LRP12: variants seen among roughly 807,000 people sequenced by gnomAD.
LRP12 encodes the protein low-density lipoprotein receptor-related protein 12.
LRP12 carries 14 observed loss-of-function variants against 66.0 expected under a neutral mutation model. The observed-to-expected ratio is 0.21, with a 90% CI of 0.14 to 0.33. The LOEUF (loss-of-function observed/expected upper bound fraction) is 0.33, where lower values mean the gene tolerates loss of function less well. Among genes scored for constraint, LRP12 ranks in the 10% least tolerant of loss-of-function variants. The pLI is 1.00. For missense variants in LRP12, 889 were observed against 1,053.4 expected (o/e 0.84, Z 2.16); for synonymous variants, 357 against 359.1 (o/e 0.99, Z 0.07).
intron 6 of LRP12, among the ~76,000 whole-genome samples, chr8:104,493,143 T>C (rs1461855629): frequency 1.3e-5 from 2 of 152,030 alleles, no homozygotes; most frequent in African/African-American, 2.4e-5. Context: ...TCTAACATTA[T>C]ATTTTATGAG....
chr8:104,532,774 T>C (rs1200015567), intron 1 of LRP12, among the ~76,000 whole-genome samples: 1 of 152,138 alleles, frequency 6.6e-6, no homozygotes, highest in Non-Finnish European at 1.5e-5. Flanking sequence ...CTATAATTGC[T>C]TGAATATTGT....
At chr8:104,555,759 C>T (rs1811797638) in intron 1 of LRP12, among the ~76,000 whole-genome samples, 1 of 152,034 alleles carries the variant, frequency 6.6e-6, no homozygotes, top group African/African-American at 2.4e-5. Flanking sequence ...GTCATCAAGA[C>T]AGAAAGTCAA....
chr8:104,491,590 T>TAAAA (rs34073040), intron 6 of LRP12, 51 bp from the exon 7 acceptor site: 348 of 819,172 alleles, frequency 4.2e-4, no homozygotes, highest in Non-Finnish European at 5.0e-4. Flanking sequence ...GGTACTAAGA[T>TAAAA]AAAAAAAAAA....
At chr8:104,503,503 T>A (rs966817329) in intron 3 of LRP12, among the ~76,000 whole-genome samples, 1 of 152,154 alleles carries the variant, frequency 6.6e-6, no homozygotes, top group Non-Finnish European at 1.5e-5. Context: ...TAGTACTTTG[T>A]GTAATAAAAG....
chr8:104,511,152 T>TCCTG (rs1327328425), intron 2 of LRP12, among the ~76,000 whole-genome samples: 1 of 143,898 alleles, frequency 6.9e-6, no homozygotes, highest in East Asian at 2.2e-4. Flanking sequence ...CAAGCAATTC[T>TCCTG]CCTGCCTCAG....
At chr8:104,518,872 A>G (rs1254008858) in intron 2 of LRP12, among the ~76,000 whole-genome samples, 1 of 152,056 alleles carries the variant, frequency 6.6e-6, no homozygotes, top group Non-Finnish European at 1.5e-5. Context: ...ATTTCAAAGG[A>G]AAGAGCAATG....
intron 1 of LRP12, among the ~76,000 whole-genome samples, chr8:104,540,954 G>T (rs1811466965): frequency 6.6e-6 from 1 of 151,992 alleles, no homozygotes. Flanking sequence ...GGATGGTCTC[G>T]ATCTCCTGAC....
chr8:104,515,556 T>C (rs1420380718), intron 2 of LRP12, among the ~76,000 whole-genome samples: 4 of 152,168 alleles, frequency 2.6e-5, no homozygotes, highest in Non-Finnish European at 4.4e-5. Flanking sequence ...AAAATGCAGA[T>C]GGAAATATGA....
chr8:104,551,651 G>T (rs1811727140), intron 1 of LRP12, among the ~76,000 whole-genome samples: 1 of 152,018 alleles, frequency 6.6e-6, no homozygotes, highest in East Asian at 1.9e-4. Context: ...TACGATTATG[G>T]CCTCCAGCTG....
intron 2 of LRP12, among the ~76,000 whole-genome samples, chr8:104,517,333 G>A (rs186976716): frequency 4.9e-4 from 75 of 151,804 alleles, no homozygotes; most frequent in Admixed American, 1.8e-3. Flanking sequence ...GAACAGAGAA[G>A]GTTATGCTTG....
intron 1 of LRP12, among the ~76,000 whole-genome samples, chr8:104,555,259 AAAAC>A (rs1258980543): frequency 1.3e-5 from 2 of 152,320 alleles, no homozygotes; most frequent in South Asian, 4.1e-4. Flanking sequence ...TAACACAATG[AAAAC>A]AAACAAGGTA....
chr8:104,535,847 C>A (rs1014000951), intron 1 of LRP12, among the ~76,000 whole-genome samples: 6 of 151,974 alleles, frequency 3.9e-5, no homozygotes, highest in African/African-American at 1.4e-4. Flanking sequence ...AGGATTCAGA[C>A]ATGAATATAT....
At chr8:104,561,336 T>C (rs1429348721) in intron 1 of LRP12, among the ~76,000 whole-genome samples, 1 of 152,194 alleles carries the variant, frequency 6.6e-6, no homozygotes, top group Non-Finnish European at 1.5e-5. Context: ...CTCCTTACCC[T>C]ACTTTTCATA....
chr8:104,543,771 A>C (rs1811512986), intron 1 of LRP12, among the ~76,000 whole-genome samples: 1 of 152,098 alleles, frequency 6.6e-6, no homozygotes, highest in African/African-American at 2.4e-5. Flanking sequence ...AAAACACAAA[A>C]ATGAGCTAGG....
intron 1 of LRP12, among the ~76,000 whole-genome samples, chr8:104,552,392 G>A (rs113612048): frequency 0.012 from 1,786 of 147,210 alleles, 34 homozygotes; most frequent in African/African-American, 0.042. Flanking sequence ...TTTTTTTGCC[G>A]GGCGTGGTGG....
At chr8:104,548,304 ATAT>A (rs1564142093) in intron 1 of LRP12, among the ~76,000 whole-genome samples, 1 of 36,440 alleles carries the variant, frequency 2.7e-5, no homozygotes, top group South Asian at 6.8e-4. Flanking sequence ...TTTATATAAT[ATAT>A]ATTATATAAA....
At chr8:104,505,979 T>C (rs971747730) in intron 3 of LRP12, 6 of 152,184 alleles carry the variant, frequency 3.9e-5, no homozygotes, top group Non-Finnish European at 7.3e-5. Flanking sequence ...TGACAGTATT[T>C]ATAGCACTGG....
At chr8:104,528,429 A>G (rs1811276682) in intron 2 of LRP12, among the ~76,000 whole-genome samples, 2 of 152,126 alleles carry the variant, frequency 1.3e-5, no homozygotes, top group African/African-American at 2.4e-5. Flanking sequence ...GGATTTCAGA[A>G]AGCTTATACT....
chr8:104,552,731 C>G (rs1811747938), intron 1 of LRP12, among the ~76,000 whole-genome samples: 1 of 152,056 alleles, frequency 6.6e-6, no homozygotes, highest in Non-Finnish European at 1.5e-5. Flanking sequence ...AAAAATGGTG[C>G]ACAGGAGGCA....
Sources: allele counts gnomAD v4.1 joint callset (sites outside exome capture counted in the v4.1 genomes callset), GRCh38; gene constraint gnomAD v4.1.1; transcripts MANE v1.5; gene names NCBI Gene and HGNC (gene_info 2026-07-23, HGNC 2026-07-21).